Variants in AGPAT3 observed in about 807,000 individuals in gnomAD.
The protein encoded by AGPAT3 is 1-acylglycerol-3-phosphate O-acyltransferase 3.
A neutral mutation model predicts 47.3 loss-of-function variants in AGPAT3; 5 were observed. The ratio of observed to expected loss-of-function variants is 0.11; its 90% CI spans 0.06 to 0.22. The LOEUF is 0.22. AGPAT3 is among the 10% of genes least tolerant of loss of function. The probability of loss-of-function intolerance (pLI) is 1.00; values close to 1 mark genes in which losing one functional copy is unlikely to be tolerated. For synonymous variants in AGPAT3, 212 were observed against 208.3 expected (o/e 1.02, Z -0.15); for missense variants, 315 against 493.0 (o/e 0.64, Z 3.42).
At chr21:43,962,690 C>T (rs1441267103) in intron 3 of AGPAT3, among the ~76,000 whole-genome samples, 4 of 152,170 alleles carry the variant, frequency 2.6e-5, no homozygotes, top group Admixed American at 6.5e-5. Context: ...TAGCAGAGGG[C>T]GCTGAAGCTA....
chr21:43,898,020 A>G (rs1336502544), intron 1 of AGPAT3, among the ~76,000 whole-genome samples: 2 of 152,130 alleles, frequency 1.3e-5, no homozygotes, highest in East Asian at 3.9e-4. Flanking sequence ...AATCCCAGGC[A>G]CTCAGCAGGC....
chr21:43,871,010 C>T (rs906740563), intron 1 of AGPAT3, among the ~76,000 whole-genome samples: 5 of 152,076 alleles, frequency 3.3e-5, no homozygotes, highest in African/African-American at 9.7e-5. Flanking sequence ...TTTAGTCTTC[C>T]GAGAGAAACC....
At chr21:43,905,700 G>C (rs184123679) in intron 2 of AGPAT3, among the ~76,000 whole-genome samples, 1 of 152,332 alleles carries the variant, frequency 6.6e-6, no homozygotes, top group Admixed American at 6.5e-5. Context: ...TTAAATTGTT[G>C]CAAATTGCTA....
In AGPAT3 at chr21:43,970,868, TAAAAA is replaced by T. The variant is rs112823395; in HGVS notation, c.664+72_664+76del. The T allele has an allele frequency of 4.4e-5, 50 of 1,147,966 alleles. No homozygotes were observed. The African/African-American group carries it at 8.0e-4, about 18-fold the overall frequency. The allele number at this position is 1,147,966 out of a possible 1,614,324, so 71.1% of individuals were successfully genotyped here. On this transcript the variant is annotated intron_variant, in intron 6 of 9. Coordinates refer to ENST00000291572, the MANE Select transcript of AGPAT3 (RefSeq NM_020132.5). This position sits in a 1 kb window ranked among gnomAD's most constrained non-coding sequence, Gnocchi z 5.8. ...TGCTCACGGAAAATAGTGATTTCTTTAAAAAAAAAAAAAATGAGTGCATTCCATGT... is the reference window on the plus strand; with the variant it reads ...TGCTCACGGAAAATAGTGATTTCTTTAAAAAAAAATGAGTGCATTCCATGT...
rs1040381391 is a variant in AGPAT3 at position 43,934,341 on chromosome 21, A to G, written c.-48-25293A>G. ...GGGCCTCCAGGCCTCGTCTTCCTTC[A>G]CTGTGCCCATGCTCAGAGATGGTGA... On this transcript the variant is annotated intron_variant, in intron 2 of 9. Coordinates refer to ENST00000291572, the MANE Select transcript of AGPAT3 (RefSeq NM_020132.5). The surrounding 1 kb of genome is among the most constrained non-coding windows in gnomAD (Gnocchi z 4.7). Among the ~76,000 whole-genome samples, 1 of 152,142 alleles carries G rather than the reference A, an allele frequency of 6.6e-6. No individual in the cohort carries two copies. Among genetic ancestry groups the G allele is most frequent in the Non-Finnish European group, 1.5e-5 (1 of 68,026 alleles).
chr21:43,880,837 C>T lies in AGPAT3; in HGVS notation c.-112+15492C>T, dbSNP rs1314554783. On this transcript the variant is annotated intron_variant, in intron 1 of 9. Coordinates refer to ENST00000291572, the MANE Select transcript of AGPAT3 (RefSeq NM_020132.5). The surrounding 1 kb of genome is among the most constrained non-coding windows in gnomAD (Gnocchi z 4.5). ...GTGATGGTCCCTGGACATTTCCAGT[C>T]GACTGTGTTTGACATGGTGGTGAAT... Among the ~76,000 whole-genome samples, 4 of 152,112 alleles carry T rather than the reference C, an allele frequency of 2.6e-5. No individual in the cohort carries two copies. The highest frequency in any genetic ancestry group is 4.8e-5 in the African/African-American group (2 of 41,410).
At chr21:43,876,991 TG>T (rs1008107060) in intron 1 of AGPAT3, among the ~76,000 whole-genome samples, 1 of 152,266 alleles carries the variant, frequency 6.6e-6, no homozygotes, top group Admixed American at 6.5e-5. Context: ...CCTGAGTAGC[TG>T]GGACTACAGG....
intron 2 of AGPAT3, among the ~76,000 whole-genome samples, chr21:43,947,609 A>G (rs2087958597): frequency 6.6e-6 from 1 of 151,992 alleles, no homozygotes; most frequent in African/African-American, 2.4e-5. Context: ...TTCAGGAGTG[A>G]CGTTGTTCTT....
rs777190737 is a variant in AGPAT3 at position 43,969,287 on chromosome 21, C to T, written c.510+8C>T. The T allele has an allele frequency of 3.1e-6, 5 of 1,613,894 alleles. No individual in the cohort carries two copies. The highest frequency in any genetic ancestry group is 4.5e-5 in the East Asian group (2 of 44,888). The stretch of plus-strand genomic sequence containing the variant: ...TACCCCGAGTACATGTGGGTGAGTG[C>T]GCGGAGCAGCCCGATACCCTGCATG... On this transcript the variant is annotated splice_region_variant and intron_variant, in intron 5 of 9. Coordinates refer to ENST00000291572, the MANE Select transcript of AGPAT3 (RefSeq NM_020132.5).
intron 1 of AGPAT3, among the ~76,000 whole-genome samples, chr21:43,887,083 A>G (rs554118852): frequency 6.6e-6 from 1 of 152,330 alleles, no homozygotes; most frequent in South Asian, 2.1e-4. Flanking sequence ...TGGAGATTTC[A>G]TAGTGCAGGA....
rs1229101588 is a variant in AGPAT3, at chr21:43,933,486, GTCA to G, written c.-48-26143_-48-26141del. 1.3e-5 allele frequency among the ~76,000 whole-genome samples: 2 copies of G among 152,244 alleles called. No individual in the cohort carries two copies. The highest frequency in any genetic ancestry group is 2.9e-5 in the Non-Finnish European group (2 of 68,010). ...GGAAAGGTTTGGGAATATCGATGAT[GTCA>G]TCATACTCCTGGCTGCTTCTTGACA... On this transcript the variant is annotated intron_variant, in intron 2 of 9. Coordinates refer to ENST00000291572, the MANE Select transcript of AGPAT3 (RefSeq NM_020132.5). This position sits in a 1 kb window ranked among gnomAD's most constrained non-coding sequence, Gnocchi z 6.0.
At chr21:43,979,060 G>A (rs953271952) in intron 8 of AGPAT3, among the ~76,000 whole-genome samples, 8 of 152,274 alleles carry the variant, frequency 5.3e-5, no homozygotes, top group African/African-American at 1.9e-4. Flanking sequence ...CACTTTGGGA[G>A]GCCGAGGTGG....
At chr21:43,973,661 G>A (rs7281359) in intron 7 of AGPAT3, among the ~76,000 whole-genome samples, 72,853 of 152,170 alleles carry the variant, frequency 0.48, 18,383 homozygotes, top group African/African-American at 0.63. Context: ...GTAAGGCTTC[G>A]GCTGTTCAGG....
intron 2 of AGPAT3, among the ~76,000 whole-genome samples, chr21:43,942,717 C>T (rs1369715223): frequency 6.6e-6 from 1 of 152,134 alleles, no homozygotes; most frequent in Non-Finnish European, 1.5e-5. Context: ...CCACGCCTGC[C>T]CGCGGTCACC....
intron 1 of AGPAT3, among the ~76,000 whole-genome samples, chr21:43,899,271 T>TGTCAGCCTCTGCTTGGC (rs1186041075): frequency 2.0e-5 from 3 of 152,228 alleles, no homozygotes; most frequent in Non-Finnish European, 2.9e-5. Flanking sequence ...AGCACTTTGA[T>TGTCAGCCTCTGCTTGGC]GTCAGCCTCT....
chr21:43,953,626 G>C (rs993757182), intron 2 of AGPAT3, among the ~76,000 whole-genome samples: 1 of 152,220 alleles, frequency 6.6e-6, no homozygotes, highest in Non-Finnish European at 1.5e-5. Flanking sequence ...CAGTGGGAAT[G>C]CAGATTCCAG....
At position 43,955,444 on chromosome 21, in the gene AGPAT3, T is replaced by G. The variant is rs2088403814; in HGVS notation, c.-48-4190T>G. Among the ~76,000 whole-genome samples the G allele has an allele frequency of 6.6e-6, 1 of 152,028 alleles. No homozygotes were observed. The highest frequency in any genetic ancestry group is 2.1e-4 in the South Asian group (1 of 4,816). On this transcript the variant is annotated intron_variant, in intron 2 of 9. Transcript: ENST00000291572. This position sits in a 1 kb window ranked among gnomAD's most constrained non-coding sequence, Gnocchi z 4.1. ...TTCCTGGATGAAGTTCTTTTCTTTT[T>G]TGAGATGGAGTTTCACTCTTGTCAC...
chr21:43,889,627 C>T lies in AGPAT3; in HGVS notation c.-111-14330C>T, dbSNP rs187831311. 5.4e-4 allele frequency among the ~76,000 whole-genome samples: 82 copies of T among 152,280 alleles called. 1 individual carries two copies. The highest frequency in any genetic ancestry group is 3.3e-3 in the Admixed American group (51 of 15,298). On this transcript the variant is annotated intron_variant, in intron 1 of 9. Coordinates refer to ENST00000291572, the MANE Select transcript of AGPAT3 (RefSeq NM_020132.5). ...ACACACATTTTTTGATTTCCCAGTG[C>T]ATACAGAAGTTAGGTTTATGCTGTG... is the stretch of plus-strand genomic sequence containing the variant.
intron 2 of AGPAT3, among the ~76,000 whole-genome samples, chr21:43,905,987 A>G (rs958190179): frequency 1.3e-5 from 2 of 152,262 alleles, no homozygotes; most frequent in African/African-American, 4.8e-5. Context: ...AAGGCGCGTC[A>G]GGCATCAGCA....
Sources: allele counts gnomAD v4.1 joint callset (sites outside exome capture counted in the v4.1 genomes callset), GRCh38; gene constraint gnomAD v4.1.1; non-coding constraint Gnocchi (gnomAD v3.1); transcripts MANE v1.5; gene names NCBI Gene and HGNC (gene_info 2026-07-23, HGNC 2026-07-21).